Variants in PRKN observed in about 807,000 individuals in gnomAD.
PRKN encodes the protein parkin RBR E3 ubiquitin protein ligase.
Under a neutral mutation model 59.5 loss-of-function variants are expected in PRKN, and 56 were observed. The ratio of observed to expected loss-of-function variants is 0.94; its 90% CI spans 0.76 to 1.18. PRKN has a LOEUF of 1.18. PRKN is among the 50% of genes most tolerant of loss of function. PRKN has a pLI of 0.00. For missense variants in PRKN, 657 were observed against 596.4 expected (o/e 1.10, Z -1.06); for synonymous variants, 250 against 222.1 (o/e 1.13, Z -1.12).
intron 2 of PRKN, among the ~76,000 whole-genome samples, chr6:162,320,480 A>G (rs2128121518): frequency 6.6e-6 from 1 of 151,266 alleles, no homozygotes; most frequent in East Asian, 1.9e-4. Context: ...AATATATGAA[A>G]AGCAAATAGG....
intron 7 of PRKN, among the ~76,000 whole-genome samples, chr6:161,671,137 G>T (rs374601257): frequency 6.6e-6 from 1 of 152,280 alleles, no homozygotes; most frequent in Non-Finnish European, 1.5e-5. Flanking sequence ...CTGAGCCCGG[G>T]CGCAGATGGG....
chr6:162,383,764 C>T (rs1413784238), intron 2 of PRKN, among the ~76,000 whole-genome samples: 1 of 152,004 alleles, frequency 6.6e-6, no homozygotes, highest in African/African-American at 2.4e-5. Flanking sequence ...AAGGCTGTTT[C>T]ATCTACACTG....
At chr6:161,728,549 TG>T (rs1030080797) in intron 7 of PRKN, among the ~76,000 whole-genome samples, 2 of 152,070 alleles carry the variant, frequency 1.3e-5, no homozygotes, top group African/African-American at 2.4e-5. Flanking sequence ...TGTACAAATT[TG>T]GGGGGAAAAT....
chr6:161,708,641 A>T (rs1786611692), intron 7 of PRKN, among the ~76,000 whole-genome samples: 1 of 152,224 alleles, frequency 6.6e-6, no homozygotes, highest in African/African-American at 2.4e-5. Context: ...GCTAGTATAT[A>T]AAGAGCTCCT....
intron 9 of PRKN, among the ~76,000 whole-genome samples, chr6:161,439,451 G>A (rs1789087059): frequency 6.6e-6 from 1 of 152,198 alleles, no homozygotes; most frequent in Non-Finnish European, 1.5e-5. Flanking sequence ...AATGCAAATA[G>A]GCCGGATAAA....
chr6:161,766,740 T>A (rs1229220872), intron 7 of PRKN, among the ~76,000 whole-genome samples: 1 of 152,200 alleles, frequency 6.6e-6, no homozygotes, highest in Non-Finnish European at 1.5e-5. Context: ...TTTTTCATGC[T>A]GAGTCTGACC....
intron 1 of PRKN, among the ~76,000 whole-genome samples, chr6:162,579,519 TCACA>T (rs140382382): frequency 0.1 from 15,559 of 151,090 alleles, 933 homozygotes; most frequent in Middle Eastern, 0.19. Flanking sequence ...ACACACAGAT[TCACA>T]CAGATTCTCA....
chr6:162,478,576 C>G (rs946919511), intron 1 of PRKN, among the ~76,000 whole-genome samples: 1 of 152,170 alleles, frequency 6.6e-6, no homozygotes, highest in East Asian at 1.9e-4. Context: ...GAGTAACCAA[C>G]CGTGAAACCA....
chr6:162,182,429 G>A (rs112944402), intron 4 of PRKN, among the ~76,000 whole-genome samples: 5 of 152,300 alleles, frequency 3.3e-5, no homozygotes, highest in East Asian at 3.9e-4. Flanking sequence ...TGTAGTTGCC[G>A]TCAGGCTGAA....
rs541902150 is a variant in PRKN at position 161,848,923 on chromosome 6, C to T, written c.735-63015G>A. On this transcript the variant is annotated intron_variant, in intron 6 of 11. Transcript: ENST00000366898. Reference sequence around the variant, plus strand: ...GGCATGGACAAGACCCAGGAGCCTGCTTTTCTGGTGGTCCTTGGTGACTAC... The same window carrying T: ...GGCATGGACAAGACCCAGGAGCCTGTTTTTCTGGTGGTCCTTGGTGACTAC... 2.0e-5 allele frequency among the ~76,000 whole-genome samples: 3 copies of T among 152,320 alleles called. No individual in the cohort carries two copies. The South Asian group carries it at 6.2e-4, about 32-fold the overall frequency.
intron 1 of PRKN, among the ~76,000 whole-genome samples, chr6:162,671,883 G>A (rs1181223350): frequency 1.3e-5 from 2 of 152,094 alleles, no homozygotes; most frequent in Non-Finnish European, 2.9e-5. Flanking sequence ...GGAGGAGAGA[G>A]GGGAGGTAGG....
chr6:161,664,883 G>A (rs1364856713), intron 7 of PRKN, among the ~76,000 whole-genome samples: 1 of 150,948 alleles, frequency 6.6e-6, no homozygotes, highest in Admixed American at 6.6e-5. Context: ...CCAGCTCCCA[G>A]GTTCAAGCGA....
At chr6:162,621,950 G>A (rs572246263) in intron 1 of PRKN, among the ~76,000 whole-genome samples, 1 of 152,216 alleles carries the variant, frequency 6.6e-6, no homozygotes, top group South Asian at 2.1e-4. Context: ...AAGGAGCTGG[G>A]ACTACAGGTA....
chr6:162,001,631 T>C (rs1345596187), intron 5 of PRKN, among the ~76,000 whole-genome samples: 1 of 152,040 alleles, frequency 6.6e-6, no homozygotes, highest in Non-Finnish European at 1.5e-5. Context: ...CCCAATTTTA[T>C]ATGTTTTGTT....
In PRKN at chr6:162,347,712, T is replaced by C. The variant is rs536094166; in HGVS notation, c.172-84947A>G. On this transcript the variant is annotated intron_variant, in intron 2 of 11. Coordinates refer to ENST00000366898, the MANE Select transcript of PRKN (RefSeq NM_004562.3). ...CTCCCTCTTATTTCACTGAGACAAATAGATTTAGAAATCTCCCATTACATT... is the reference window on the plus strand; with the variant it reads ...CTCCCTCTTATTTCACTGAGACAAACAGATTTAGAAATCTCCCATTACATT... Among the ~76,000 whole-genome samples the C allele has an allele frequency of 1.2e-4, 19 of 152,302 alleles. No homozygotes were observed. The South Asian group carries it at 1.9e-3, about 15-fold the overall frequency.
chr6:162,455,486 TA>T (rs1790827991), intron 1 of PRKN, among the ~76,000 whole-genome samples: 1 of 152,214 alleles, frequency 6.6e-6, no homozygotes, highest in Non-Finnish European at 1.5e-5. Flanking sequence ...TGTAGGCAAT[TA>T]TAATACAGTA....
At chr6:161,991,790 C>T (rs1781658042) in intron 5 of PRKN, among the ~76,000 whole-genome samples, 1 of 151,988 alleles carries the variant, frequency 6.6e-6, no homozygotes, top group Non-Finnish European at 1.5e-5. Flanking sequence ...TTGCAGTGAG[C>T]CAAGAGCACA....
chr6:161,977,552 T>TTG lies in PRKN; in HGVS notation c.619-4136_619-4135insCA, dbSNP rs1323607132. 3.6e-3 allele frequency among the ~76,000 whole-genome samples: 531 copies of TTG among 146,860 alleles called. 5 individuals are homozygous for TTG. The highest frequency in any genetic ancestry group is 0.013 in the African/African-American group (506 of 39,700). On this transcript the variant is annotated intron_variant, in intron 5 of 11. Coordinates refer to ENST00000366898, the MANE Select transcript of PRKN (RefSeq NM_004562.3). ...CTTTCTGTTTTTTTGGTTTTTTTTTTTTTTTTTTTTTTTAAGACAGAGTCT... is the reference window on the plus strand; with the variant it reads ...CTTTCTGTTTTTTTGGTTTTTTTTTTTGTTTTTTTTTTTTTAAGACAGAGTCT...
At chr6:162,304,412 GTTGT>G (rs1395134125) in intron 2 of PRKN, among the ~76,000 whole-genome samples, 1 of 150,706 alleles carries the variant, frequency 6.6e-6, no homozygotes, top group Non-Finnish European at 1.5e-5. Flanking sequence ...ATTAGAAAAA[GTTGT>G]TTCACACATA....
Sources: allele counts gnomAD v4.1 joint callset (sites outside exome capture counted in the v4.1 genomes callset), GRCh38; gene constraint gnomAD v4.1.1; transcripts MANE v1.5; gene names NCBI Gene and HGNC (gene_info 2026-07-23, HGNC 2026-07-21).